Variants in SBF2 observed in about 807,000 individuals in gnomAD.
The protein encoded by SBF2 is SET binding factor 2, also known as myotubularin-related protein 13.
A neutral mutation model predicts 225.2 loss-of-function variants in SBF2; 112 were observed. The ratio of observed to expected loss-of-function variants is 0.50; its 90% CI spans 0.43 to 0.58. The LOEUF (loss-of-function observed/expected upper bound fraction) is 0.58. Among genes scored for constraint, SBF2 ranks in the 20% least tolerant of loss-of-function variants. The pLI, the probability that SBF2 is intolerant of heterozygous loss-of-function variation, is 0.00. For missense variants in SBF2, 1,996 were observed against 2,206.2 expected (o/e 0.90, Z 1.91); for synonymous variants, 763 against 773.3 (o/e 0.99, Z 0.22).
chr11:10,261,007 A>G lies in SBF2; in HGVS notation c.55+33008T>C, dbSNP rs186086828. Among the ~76,000 whole-genome samples, 507 of 152,346 alleles carry G rather than the reference A, an allele frequency of 3.3e-3. 4 individuals are homozygous for G. Among genetic ancestry groups the G allele is most frequent in the African/African-American group, 0.011 (473 of 41,576 alleles). ...TAAAATGGCAATCCAATTATAAAAT[A>G]GGCAAATGATCTGAACAGACCCTTC... On this transcript the variant is annotated intron_variant, in intron 1 of 39. Coordinates refer to ENST00000256190, the MANE Select transcript of SBF2 (RefSeq NM_030962.4).
intron 2 of SBF2, among the ~76,000 whole-genome samples, chr11:10,075,466 T>C (rs1020912563): frequency 1.3e-5 from 2 of 152,208 alleles, no homozygotes; most frequent in Non-Finnish European, 2.9e-5. Context: ...AAATCTTATG[T>C]TGAATCGTGA....
intron 3 of SBF2, among the ~76,000 whole-genome samples, chr11:10,040,008 C>T (rs1012154469): frequency 6.6e-6 from 1 of 151,278 alleles, no homozygotes; most frequent in Non-Finnish European, 1.5e-5. Context: ...AGTAAAAGGT[C>T]GACTGCTGAC....
At chr11:10,021,257 A>C (rs1321860353) in intron 6 of SBF2, among the ~76,000 whole-genome samples, 1 of 152,232 alleles carries the variant, frequency 6.6e-6, no homozygotes, top group Non-Finnish European at 1.5e-5. Flanking sequence ...GCATTTTACA[A>C]GATTATTTGG....
At chr11:9,813,013 A>C (rs940777172) in intron 29 of SBF2, among the ~76,000 whole-genome samples, 2 of 152,154 alleles carry the variant, frequency 1.3e-5, no homozygotes, top group African/African-American at 4.8e-5. Context: ...AACTTGATGG[A>C]GCTCATAATA....
chr11:10,227,371 G>A (rs1353104785), intron 1 of SBF2, among the ~76,000 whole-genome samples: 7 of 151,988 alleles, frequency 4.6e-5, no homozygotes, highest in Non-Finnish European at 1.0e-4. Flanking sequence ...ATTGCTTTTG[G>A]TGTTTTAGAC....
chr11:10,004,573 T>C lies in SBF2; in HGVS notation c.620-1884A>G, dbSNP rs185467431. ...TTCCTAAGTAAGATAGCTACAAAAATTAAAAAAAAAAAAAAAAAAAAACAA... is the reference window on the plus strand; with the variant it reads ...TTCCTAAGTAAGATAGCTACAAAAACTAAAAAAAAAAAAAAAAAAAAACAA... On this transcript the variant is annotated intron_variant, in intron 6 of 39. Coordinates refer to ENST00000256190, the MANE Select transcript of SBF2 (RefSeq NM_030962.4). Among the ~76,000 whole-genome samples the C allele has an allele frequency of 2.2e-3, 147 of 66,166 alleles. 2 individuals carry two copies. Among genetic ancestry groups the C allele is most frequent in the African/African-American group, 7.3e-3 (140 of 19,202 alleles). The allele number at this position is 66,166 out of a possible 152,430, so 43.4% of individuals were successfully genotyped here.
At chr11:10,248,112 A>G (rs1959986474) in intron 1 of SBF2, among the ~76,000 whole-genome samples, 1 of 152,244 alleles carries the variant, frequency 6.6e-6, no homozygotes, top group African/African-American at 2.4e-5. Flanking sequence ...CATTCTAGAT[A>G]AGGCCTGGCG....
At chr11:10,178,731 T>A (rs1019573478) in intron 2 of SBF2, among the ~76,000 whole-genome samples, 1 of 143,874 alleles carries the variant, frequency 7.0e-6, no homozygotes, top group African/African-American at 2.6e-5. Context: ...TAGGAACACT[T>A]TTACACTGTT....
At chr11:10,304,295 C>T (rs1376418459) in intron 1 of SBF2, among the ~76,000 whole-genome samples, 1 of 152,192 alleles carries the variant, frequency 6.6e-6, no homozygotes, top group Non-Finnish European at 1.5e-5. Context: ...CAGCCAGGCA[C>T]AATCTCAGGT....
intron 38 of SBF2, 29 bp from the exon 39 acceptor site, chr11:9,781,667 TAAG>T: frequency 6.2e-7 from 1 of 1,613,944 alleles, no homozygotes; most frequent in South Asian, 1.1e-5. Flanking sequence ...AAGTGAGATA[TAAG>T]AGACAGAAAG....
At position 9,852,672 on chromosome 11, in the gene SBF2, T is replaced by C. The variant is rs771387756; in HGVS notation, c.2610+4A>G. 2 of 1,606,888 alleles carry C rather than the reference T, an allele frequency of 1.2e-6. No individual in the cohort carries two copies. Among genetic ancestry groups the C allele is most frequent in the East Asian group, 2.2e-5 (1 of 44,812 alleles). On this transcript the variant is annotated splice_donor_region_variant and intron_variant, in intron 21 of 39. Transcript: ENST00000256190. ...TACCCTGAAAGCATGTAGTCTGGAA[T>C]TACCTTCTGAATAGGCGGAAGTCTT...
At chr11:10,284,953 A>C in intron 1 of SBF2, among the ~76,000 whole-genome samples, 1 of 151,972 alleles carries the variant, frequency 6.6e-6, no homozygotes, top group Admixed American at 6.6e-5. Flanking sequence ...ATAAAATATA[A>C]ATATTTAAAA....
intron 17 of SBF2, among the ~76,000 whole-genome samples, chr11:9,885,404 T>A (rs1447227106): frequency 6.6e-6 from 1 of 151,982 alleles, no homozygotes; most frequent in Non-Finnish European, 1.5e-5. Flanking sequence ...TATTAAAAAC[T>A]TAAATCTATA....
chr11:9,889,019 T>C (rs898690533), intron 17 of SBF2, among the ~76,000 whole-genome samples: 2 of 152,214 alleles, frequency 1.3e-5, no homozygotes, highest in African/African-American at 4.8e-5. Context: ...TACTGTGTTC[T>C]GTTAGGTAAA....
intron 2 of SBF2, among the ~76,000 whole-genome samples, chr11:10,129,828 A>AC (rs777857451): frequency 1.1e-4 from 17 of 151,834 alleles, no homozygotes; most frequent in South Asian, 2.1e-4. Flanking sequence ...ACATAGCGAG[A>AC]CCCCCATCTC....
intron 32 of SBF2, among the ~76,000 whole-genome samples, chr11:9,799,109 A>G (rs528718263): frequency 6.6e-6 from 1 of 152,194 alleles, no homozygotes; most frequent in Non-Finnish European, 1.5e-5. Flanking sequence ...CAGGAATACA[A>G]TTTTGAAGAC....
intron 1 of SBF2, among the ~76,000 whole-genome samples, chr11:10,284,615 C>CTTGTTCCATTACCCAGGCTGGAGT (rs1963624841): frequency 6.6e-6 from 1 of 151,964 alleles, no homozygotes; most frequent in South Asian, 2.1e-4. Context: ...GAGACGGGAT[C>CTTGTTCCATTACCCAGGCTGGAGT]TTGTTCCATT....
upstream of SBF2, among the ~76,000 whole-genome samples, chr11:10,297,370 T>C (rs1436454005): frequency 6.6e-6 from 1 of 152,200 alleles, no homozygotes; most frequent in African/African-American, 2.4e-5. Context: ...TTCATTTTCT[T>C]GATAATGTCC....
chr11:9,972,921 T>C (rs1487335888), intron 13 of SBF2, among the ~76,000 whole-genome samples: 1 of 152,248 alleles, frequency 6.6e-6, no homozygotes, highest in Admixed American at 6.5e-5. Flanking sequence ...AAGTTGAATA[T>C]CTGTAGTTAT....
Sources: allele counts gnomAD v4.1 joint callset (sites outside exome capture counted in the v4.1 genomes callset), GRCh38; gene constraint gnomAD v4.1.1; transcripts MANE v1.5; gene names NCBI Gene and HGNC (gene_info 2026-07-23, HGNC 2026-07-21).